The following MEGF6 variants were observed in gnomAD, a reference collection of about 807,000 sequenced individuals.
The protein encoded by MEGF6 is multiple EGF like domains 6.
MEGF6 carries 184 observed loss-of-function variants against 207.1 expected under a neutral mutation model. That is an observed-to-expected ratio of 0.89 (90% confidence interval 0.79 to 1.00). The LOEUF (loss-of-function observed/expected upper bound fraction) is 1.00. MEGF6 is among the 50% of genes least tolerant of loss of function. The pLI is 0.00. For synonymous variants in MEGF6, 1,038 were observed against 910.0 expected (o/e 1.14, Z -2.53); for missense variants, 2,282 against 2,202.9 (o/e 1.04, Z -0.72).
At position 3,510,815 on chromosome 1, in the gene MEGF6, TA is replaced by T; in HGVS notation, c.1201del (p.Tyr401ThrfsTer122). 1 of 1,610,192 alleles carries T rather than the reference TA, an allele frequency of 6.2e-7. No homozygotes were observed. Among genetic ancestry groups the T allele is most frequent in the Admixed American group, 1.7e-5 (1 of 59,948 alleles). On this transcript the variant is annotated frameshift_variant, in exon 10 of 37. Transcript: ENST00000356575. LOFTEE classifies it high-confidence loss of function. Reference protein sequence around the residue: ...GGYECGCYAGYRLSADGCGCE... With the variant: ...GGYECGCYAGXRLSADGCGCE... ...GCCGCAGCCATCGGCACTGAGCCGG[TA>T]GCCGGCGTAGCAGCCGCACTCGTAC...
intron 4 of MEGF6, among the ~76,000 whole-genome samples, chr1:3,554,358 G>A (rs1044219772): frequency 3.9e-5 from 6 of 152,152 alleles, no homozygotes; most frequent in Non-Finnish European, 8.8e-5. Context: ...CTAACAAGGG[G>A]TGGGGACCCA....
rs374670606 is a variant in MEGF6 at position 3,523,446 on chromosome 1, C to T, written c.604+678G>A. Among the ~76,000 whole-genome samples, 9 of 152,248 alleles carry T rather than the reference C, an allele frequency of 5.9e-5. No homozygotes were observed. In the East Asian group the frequency reaches 7.8e-4, roughly 13 times the overall value. On this transcript the variant is annotated intron_variant, in intron 5 of 36. Coordinates refer to ENST00000356575, the MANE Select transcript of MEGF6 (RefSeq NM_001409.4). ...GCTTCCCTCTAACCCTCCCTCCCTG[C>T]GGCCACAGTCCGTGTCCGCGACACC... is the stretch of plus-strand genomic sequence containing the variant.
Position 3,524,262 on chromosome 1 carries a change from G to A in MEGF6, c.482-16C>T. 2.5e-6 allele frequency: 4 copies of A among 1,602,464 alleles called. No individual in the cohort carries two copies. In the East Asian group the frequency reaches 6.7e-5, roughly 27 times the overall value. On this transcript the variant is annotated splice_polypyrimidine_tract_variant and intron_variant, in intron 4 of 36. Transcript: ENST00000356575. The stretch of plus-strand genomic sequence containing the variant: ...TCGTCCACATCTGAGCAGGAATGGG[G>A]AAGGATCAGCAGCTGGGCACCTGTG...
rs540611614 is a variant in MEGF6 at position 3,563,929 on chromosome 1, C to T, written c.481+15896G>A. On this transcript the variant is annotated intron_variant, in intron 4 of 36. Coordinates refer to ENST00000356575, the MANE Select transcript of MEGF6 (RefSeq NM_001409.4). Reference sequence around the variant, plus strand: ...TTCCCAAGGCAATAGCAAAACCCTGCGACCTGAGGGCACTTGTCCTGCCAG... The same window carrying T: ...TTCCCAAGGCAATAGCAAAACCCTGTGACCTGAGGGCACTTGTCCTGCCAG... 1.2e-3 allele frequency among the ~76,000 whole-genome samples: 185 copies of T among 152,292 alleles called. 1 individual carries two copies. The highest frequency in any genetic ancestry group is 3.5e-3 in the African/African-American group (146 of 41,552).
intron 21 of MEGF6, 131 bp downstream of exon 21, chr1:3,500,502 C>T (rs887061744): frequency 1.2e-5 from 16 of 1,324,558 alleles, no homozygotes; most frequent in African/African-American, 4.4e-5. Context: ...CAGGAGGGGG[C>T]GCGGCCAAAG....
At chr1:3,507,945 C>T (rs533410051) in intron 13 of MEGF6, 22 bp from the exon 14 acceptor site, 24 of 1,603,298 alleles carry the variant, frequency 1.5e-5, no homozygotes, top group Middle Eastern at 3.3e-4. Context: ...GACAGGGAAG[C>T]GTCAGGGTCA....
intron 4 of MEGF6, among the ~76,000 whole-genome samples, chr1:3,563,846 C>T (rs1358508720): frequency 1.3e-5 from 2 of 152,172 alleles, no homozygotes; most frequent in Admixed American, 6.5e-5. Flanking sequence ...GCGGTGTCTG[C>T]GCGTCTGGGG....
intron 23 of MEGF6, 83 bp from the exon 24 acceptor site, chr1:3,499,349 C>T (rs1640752477): frequency 2.9e-5 from 43 of 1,495,720 alleles, no homozygotes; most frequent in Non-Finnish European, 3.7e-5. Flanking sequence ...CTGGGCAGAT[C>T]TGCCGGGGTC....
intron 4 of MEGF6, among the ~76,000 whole-genome samples, chr1:3,544,545 G>A (rs1253290638): frequency 3.3e-5 from 5 of 152,122 alleles, no homozygotes. Context: ...CTCATGCAGG[G>A]GCTGCTGGAA....
intron 4 of MEGF6, among the ~76,000 whole-genome samples, chr1:3,549,499 T>C (rs1361702199): frequency 6.6e-6 from 1 of 152,102 alleles, no homozygotes; most frequent in Non-Finnish European, 1.5e-5. Flanking sequence ...GGCGAGAAGA[T>C]GGGGGGCTGC....
Position 3,548,334 on chromosome 1 carries a change from G to A in MEGF6, c.482-24088C>T, listed in dbSNP as rs373016159. Among the ~76,000 whole-genome samples, 6 of 152,342 alleles carry A rather than the reference G, an allele frequency of 3.9e-5. No homozygotes were observed. The South Asian group carries it at 1.0e-3, about 26-fold the overall frequency. ...GACGGGCCCTGGAAGAGCCCCGGGC[G>A]GGGCCAAAGGCCTCGGGGCGGCCAC... On this transcript the variant is annotated intron_variant, in intron 4 of 36. Coordinates refer to ENST00000356575, the MANE Select transcript of MEGF6 (RefSeq NM_001409.4).
Position 3,511,581 on chromosome 1 carries a change from G to A in MEGF6, c.1083C>T (p.Tyr361=), listed in dbSNP as rs145845951. 285 of 1,611,748 alleles carry A rather than the reference G, an allele frequency of 1.8e-4. 1 individual carries two copies. In the African/African-American group the frequency reaches 2.8e-3, roughly 16 times the overall value. Residue 361 remains tyrosine (Y), a synonymous_variant, in exon 9 of 37, where the codon TAC becomes TAT. Coordinates refer to ENST00000356575, the MANE Select transcript of MEGF6 (RefSeq NM_001409.4). The part of the protein sequence containing the change: ...AGPLCTCPRG[Y]ELDTDQRTCI... ...AGGTCCTCTGATCTGTGTCCAGCTC[G>A]TAGCCGCGGGGACATGTGCACAGGG...
chr1:3,614,378 T>C (rs1365330614), upstream of MEGF6, among the ~76,000 whole-genome samples: 1 of 152,162 alleles, frequency 6.6e-6, no homozygotes, highest in African/African-American at 2.4e-5. Flanking sequence ...ACTTGATACA[T>C]GAAAAAAGGC....
intron 14 of MEGF6, among the ~76,000 whole-genome samples, chr1:3,506,495 C>T (rs1018552123): frequency 6.6e-6 from 1 of 152,178 alleles, no homozygotes; most frequent in African/African-American, 2.4e-5. Context: ...ATGCACAAAG[C>T]TCACGCCCCA....
chr1:3,490,945 GC>G lies in MEGF6; in HGVS notation c.4530del (p.Leu1511SerfsTer7). 6.2e-7 allele frequency: 1 copy of G among 1,601,064 alleles called. No individual in the cohort carries two copies. Among genetic ancestry groups the G allele is most frequent in the Non-Finnish European group, 8.5e-7 (1 of 1,175,928 alleles). ...TGGGCTAAGGACGGGTTCTCGGGGA[GC>G]CGGAGGGGCCCACCTGGAGGGGAGA... ...GPTCREGGPL[R>X]LPENPSLAQG... is the part of the protein sequence containing the mutation. On this transcript the variant is annotated frameshift_variant, in exon 36 of 37. Coordinates refer to ENST00000356575, the MANE Select transcript of MEGF6 (RefSeq NM_001409.4). LOFTEE classifies it low-confidence loss of function (END_TRUNC).
chr1:3,494,312 G>C, intron 32 of MEGF6, 59 bp downstream of exon 32: 4 of 1,506,592 alleles, frequency 2.7e-6, no homozygotes, highest in Non-Finnish European at 3.5e-6. Flanking sequence ...CACCCACACG[G>C]GAGGAGTGGA....
intron 4 of MEGF6, among the ~76,000 whole-genome samples, chr1:3,575,165 G>A (rs894903006): frequency 4.6e-5 from 7 of 152,212 alleles, no homozygotes; most frequent in African/African-American, 1.7e-4. Flanking sequence ...CCAAGCCCAG[G>A]TCACCAGTGG....
intron 8 of MEGF6, 149 bp from the exon 9 acceptor site, chr1:3,511,836 G>A: frequency 6.9e-7 from 1 of 1,444,790 alleles, no homozygotes; most frequent in African/African-American, 1.4e-5. Context: ...GCCTTGTTGG[G>A]TCTGGGACCC....
intron 17 of MEGF6, among the ~76,000 whole-genome samples, chr1:3,503,291 G>A (rs1640974800): frequency 6.6e-6 from 1 of 152,190 alleles, no homozygotes; most frequent in Non-Finnish European, 1.5e-5. Flanking sequence ...GGTGGCGTCA[G>A]GGAACCCCCC....
Sources: gnomAD v4.1 joint callset for allele counts (sites outside exome capture counted in the v4.1 genomes callset) on GRCh38, gnomAD v4.1.1 for gene constraint, MANE v1.5 for transcripts, NCBI Gene and HGNC (gene_info 2026-07-23, HGNC 2026-07-21) for gene names.